ATP7B: variants seen among roughly 807,000 people sequenced by gnomAD.
ATP7B encodes the protein ATPase copper transporting beta.
In ATP7B, 113 loss-of-function variants were observed where a neutral mutation model predicts 118.9. That is an observed-to-expected ratio of 0.95 (90% CI 0.82 to 1.11). The LOEUF (loss-of-function observed/expected upper bound fraction) is 1.11, where lower values mean the gene tolerates loss of function less well. ATP7B is among the 50% of genes most tolerant of loss of function. ATP7B has a pLI of 0.00. For missense variants in ATP7B, 1,867 were observed against 1,871.4 expected (o/e 1.00, Z 0.04); for synonymous variants, 777 against 727.4 (o/e 1.07, Z -1.10).
intron 17 of ATP7B, 135 bp from the exon 18 acceptor site, chr13:51,937,814 G>T: frequency 9.9e-7 from 1 of 1,011,628 alleles, no homozygotes; most frequent in South Asian, 1.3e-5. Context: ...CACCCTGCAG[G>T]TTTGCTGTCA....
chr13:51,982,845 C>T (rs2147359), intron 1 of ATP7B, among the ~76,000 whole-genome samples: 89,755 of 152,122 alleles, frequency 0.59, 28,368 homozygotes, highest in Non-Finnish European at 0.71. Flanking sequence ...AGGGAAGCCG[C>T]GAGGGACTGT....
intron 16 of ATP7B, 45 bp from the exon 17 acceptor site, chr13:51,939,238 C>G (rs911973202): frequency 1.2e-6 from 2 of 1,608,236 alleles, no homozygotes; most frequent in Non-Finnish European, 1.7e-6. Context: ...AGTTGGGGCA[C>G]CCCGCACCAA....
chr13:51,945,562 C>T (rs921186182), intron 13 of ATP7B, among the ~76,000 whole-genome samples: 1 of 152,182 alleles, frequency 6.6e-6, no homozygotes, highest in East Asian at 1.9e-4. Context: ...GTCCCTGAGT[C>T]GAGCACCCCA....
intron 13 of ATP7B, among the ~76,000 whole-genome samples, chr13:51,944,669 G>C (rs994015398): frequency 1.3e-4 from 20 of 152,146 alleles, no homozygotes; most frequent in African/African-American, 4.6e-4. Context: ...ACTGCCATCC[G>C]CCGAGCCCAA....
At position 51,944,169 on chromosome 13, in the gene ATP7B, C is replaced by A. The variant is rs994398327; in HGVS notation, c.3183G>T (p.Gly1061=). ...LPLRKVLAVV[G]TAEASSEHPL... is the part of the protein sequence containing the mutation. Reference sequence around the variant, plus strand: ...GGTGTTCACTGCTGGCCTCCGCAGTCCCCACCACAGCCAGAACCTTCCTGA... The same window carrying A: ...GGTGTTCACTGCTGGCCTCCGCAGTACCCACCACAGCCAGAACCTTCCTGA... The change falls in exon 14 of 21, where the codon GGG becomes GGT. Residue 1061 remains glycine (G), a synonymous_variant. Transcript: ENST00000242839. 4 of 1,614,066 alleles carry A rather than the reference C, an allele frequency of 2.5e-6. No homozygotes were observed. Among genetic ancestry groups the A allele is most frequent in the Admixed American group, 1.7e-5 (1 of 60,000 alleles).
intron 1 of ATP7B, among the ~76,000 whole-genome samples, chr13:52,007,706 C>T (rs566813309): frequency 6.6e-6 from 1 of 152,336 alleles, no homozygotes; most frequent in African/African-American, 2.4e-5. Context: ...CCACACTTCA[C>T]ATGCCAGTCG....
At chr13:51,945,237 G>T (rs1240931276) in intron 13 of ATP7B, among the ~76,000 whole-genome samples, 3 of 152,170 alleles carry the variant, frequency 2.0e-5, no homozygotes, top group African/African-American at 7.2e-5. Flanking sequence ...CTAACGTTCA[G>T]AACACTTTAC....
chr13:52,010,061 C>T (rs974463295), intron 1 of ATP7B, among the ~76,000 whole-genome samples: 3 of 152,110 alleles, frequency 2.0e-5, no homozygotes, highest in Admixed American at 1.3e-4. Flanking sequence ...GGTGGCAGGT[C>T]TTGAGCTTGA....
chr13:51,936,787 A>G (rs954200557), intron 19 of ATP7B, among the ~76,000 whole-genome samples: 1 of 152,182 alleles, frequency 6.6e-6, no homozygotes, highest in African/African-American at 2.4e-5. Context: ...TCAGCCTCCC[A>G]AAGTGCTGGA....
At chr13:52,007,187 T>C (rs1160014375) in intron 1 of ATP7B, among the ~76,000 whole-genome samples, 1 of 152,078 alleles carries the variant, frequency 6.6e-6, no homozygotes, top group East Asian at 1.9e-4. Context: ...AAAAACCCGG[T>C]TCCCATTTCA....
intron 1 of ATP7B, among the ~76,000 whole-genome samples, chr13:51,980,222 A>G (rs765897519): frequency 6.6e-5 from 10 of 152,224 alleles, no homozygotes; most frequent in African/African-American, 2.4e-4. Context: ...TGAAAGCCCT[A>G]GTTTATCTAA....
At chr13:51,963,520 G>A (rs1003841878) in intron 5 of ATP7B, among the ~76,000 whole-genome samples, 2 of 151,772 alleles carry the variant, frequency 1.3e-5, no homozygotes, top group African/African-American at 4.8e-5. Flanking sequence ...TGGATCACCT[G>A]ACGTCAGGAG....
chr13:51,957,477 AG>A, intron 9 of ATP7B, 38 bp downstream of exon 9: 3 of 1,579,878 alleles, frequency 1.9e-6, no homozygotes, highest in Non-Finnish European at 2.6e-6. Context: ...ACAGATTGAT[AG>A]ATACCAACCA....
At chr13:51,972,454 CT>C (rs1410892525) in intron 2 of ATP7B, among the ~76,000 whole-genome samples, 9 of 152,124 alleles carry the variant, frequency 5.9e-5, no homozygotes, top group Non-Finnish European at 1.3e-4. Context: ...ATTCAAGGCC[CT>C]TCTATCCCAC....
intron 1 of ATP7B, among the ~76,000 whole-genome samples, chr13:52,009,036 A>C (rs374491436): frequency 1.3e-5 from 2 of 151,972 alleles, no homozygotes; most frequent in East Asian, 1.9e-4. Flanking sequence ...CATTATGCCC[A>C]GCTAATTTTT....
chr13:51,984,583 C>G (rs1952565371), intron 1 of ATP7B, among the ~76,000 whole-genome samples: 1 of 152,072 alleles, frequency 6.6e-6, no homozygotes, highest in South Asian at 2.1e-4. Context: ...AGATACTCCT[C>G]AAGAAGAGCA....
chr13:51,973,193 C>G (rs1164878743), intron 2 of ATP7B, among the ~76,000 whole-genome samples: 1 of 152,080 alleles, frequency 6.6e-6, no homozygotes, highest in Non-Finnish European at 1.5e-5. Flanking sequence ...GCAGTAAAAT[C>G]TTTTGAGAAG....
intron 9 of ATP7B, among the ~76,000 whole-genome samples, chr13:51,953,063 C>A (rs1593706384): frequency 6.6e-6 from 1 of 152,348 alleles, no homozygotes; most frequent in Non-Finnish European, 1.5e-5. Context: ...AGGAGACTTT[C>A]AAAGACTGAA....
intron 1 of ATP7B, 152 bp downstream of exon 1, chr13:52,011,135 C>A: frequency 8.8e-7 from 1 of 1,140,272 alleles, no homozygotes; most frequent in Non-Finnish European, 1.3e-6. Context: ...TCTAAAGGGT[C>A]CTTTTCTCCC....
Sources: allele counts gnomAD v4.1 joint callset (sites outside exome capture counted in the v4.1 genomes callset), GRCh38; gene constraint gnomAD v4.1.1; transcripts MANE v1.5; gene names NCBI Gene and HGNC (gene_info 2026-07-23, HGNC 2026-07-21).